Variants in KDM2A observed in about 807,000 individuals in gnomAD.
KDM2A encodes lysine demethylase 2A.
KDM2A carries 3 observed loss-of-function variants against 137.3 expected under a neutral mutation model. That is an observed-to-expected ratio of 0.02 (90% confidence interval 0.01 to 0.06). The LOEUF (loss-of-function observed/expected upper bound fraction) is 0.06. Among genes scored for constraint, KDM2A ranks in the 10% least tolerant of loss-of-function variants. The pLI is 1.00. For synonymous variants in KDM2A, 512 were observed against 541.5 expected (o/e 0.95, Z 0.76); for missense variants, 738 against 1,510.6 (o/e 0.49, Z 8.48).
chr11:67,125,175 T>A (rs1219505903), intron 2 of KDM2A, among the ~76,000 whole-genome samples: 2 of 143,460 alleles, frequency 1.4e-5, no homozygotes, highest in Non-Finnish European at 3.1e-5. Context: ...GGGAACTTTC[T>A]TTTTTTTTTT....
At chr11:67,137,528 T>C (rs993228154) in intron 2 of KDM2A, among the ~76,000 whole-genome samples, 5 of 152,170 alleles carry the variant, frequency 3.3e-5, no homozygotes, top group African/African-American at 7.2e-5. Flanking sequence ...CATGGGACTT[T>C]TCATTGAATG....
chr11:67,222,163 T>G (rs1398344375), intron 10 of KDM2A, among the ~76,000 whole-genome samples: 1 of 111,918 alleles, frequency 8.9e-6, no homozygotes, highest in Non-Finnish European at 1.8e-5. Context: ...GGAGGGAAGG[T>G]CAGCAGATAA....
chr11:67,206,848 T>C (rs986247411), intron 5 of KDM2A, among the ~76,000 whole-genome samples: 4 of 152,248 alleles, frequency 2.6e-5, no homozygotes, highest in African/African-American at 9.6e-5. Context: ...GTAGTTGTTA[T>C]AGTTAACAAG....
chr11:67,120,913 CTTT>C (rs879917346), intron 1 of KDM2A, among the ~76,000 whole-genome samples: 1 of 146,440 alleles, frequency 6.8e-6, no homozygotes, highest in Non-Finnish European at 1.5e-5. Context: ...AAGTCCTGGG[CTTT>C]TTTTTTTTCT....
chr11:67,133,300 C>G (rs1263881491), intron 2 of KDM2A, among the ~76,000 whole-genome samples: 2 of 151,890 alleles, frequency 1.3e-5, no homozygotes, highest in African/African-American at 4.8e-5. Context: ...TGGTGTTTTA[C>G]CATGTTGGTC....
rs768543569 is a variant in KDM2A at position 67,182,379 on chromosome 11, AAAAG to A, written c.307+492_307+495del. Among the ~76,000 whole-genome samples the A allele has an allele frequency of 9.2e-5, 14 of 152,284 alleles. No individual in the cohort carries two copies. The East Asian group carries it at 1.9e-3, about 21-fold the overall frequency. On this transcript the variant is annotated intron_variant, in intron 5 of 20. Transcript: ENST00000529006. ...ATTTTATTATATTCAAAATTTGGGA[AAAAG>A]AAAGCAAATTAATCTAATTAAAGAA...
At chr11:67,133,802 A>G (rs1169647609) in intron 2 of KDM2A, among the ~76,000 whole-genome samples, 2 of 151,716 alleles carry the variant, frequency 1.3e-5, no homozygotes, top group Non-Finnish European at 2.9e-5. Context: ...CCCAGGTTCA[A>G]GCGATTCTCC....
intron 12 of KDM2A, among the ~76,000 whole-genome samples, chr11:67,241,500 C>A (rs962587871): frequency 6.6e-6 from 1 of 151,966 alleles, no homozygotes; most frequent in African/African-American, 2.4e-5. Context: ...AATGAAAATA[C>A]ATAAAAGTCC....
At chr11:67,183,427 T>C (rs563056188) in intron 5 of KDM2A, among the ~76,000 whole-genome samples, 1 of 152,338 alleles carries the variant, frequency 6.6e-6, no homozygotes, top group South Asian at 2.1e-4. Flanking sequence ...GTTAAAAATA[T>C]AGACTCTCAG....
chr11:67,242,139 G>A (rs927399831), intron 12 of KDM2A, among the ~76,000 whole-genome samples: 1 of 152,144 alleles, frequency 6.6e-6, no homozygotes, highest in African/African-American at 2.4e-5. Flanking sequence ...ATTCACTTAA[G>A]TGGCATTTTC....
At chr11:67,147,285 G>A (rs1856274626) in intron 2 of KDM2A, among the ~76,000 whole-genome samples, 1 of 152,088 alleles carries the variant, frequency 6.6e-6, no homozygotes, top group African/African-American at 2.4e-5. Context: ...GCTCAAGCCT[G>A]TAATCCCAGC....
At position 67,235,069 on chromosome 11, in the gene KDM2A, C is replaced by T. The variant is rs1423625611; in HGVS notation, c.1479+3109C>T. On this transcript the variant is annotated intron_variant, in intron 12 of 20. Transcript: ENST00000529006. ...CTGAGGCAGGAGAATGGCGTGAACC[C>T]GGGAGGCGGAGCTTGCAGTGAGCCC... 3.4e-5 allele frequency among the ~76,000 whole-genome samples: 5 copies of T among 145,522 alleles called. No homozygotes were observed. In the East Asian group the frequency reaches 6.3e-4, roughly 18 times the overall value.
chr11:67,158,148 G>A (rs907288776), intron 2 of KDM2A, among the ~76,000 whole-genome samples: 1 of 151,666 alleles, frequency 6.6e-6, no homozygotes, highest in Non-Finnish European at 1.5e-5. Flanking sequence ...TCTTTTTGCT[G>A]TCTGTAGTTT....
chr11:67,181,465 G>A, intron 4 of KDM2A, 67 bp downstream of exon 4: 1 of 1,024,392 alleles, frequency 9.8e-7, no homozygotes. Context: ...GCAATAAACA[G>A]TGGTGGTATT....
At chr11:67,234,482 T>G (rs1858809424) in intron 12 of KDM2A, among the ~76,000 whole-genome samples, 1 of 152,246 alleles carries the variant, frequency 6.6e-6, no homozygotes, top group Non-Finnish European at 1.5e-5. Context: ...AGTGCTGTGA[T>G]AAAAGGGCTT....
chr11:67,238,761 A>T (rs1486110234), intron 12 of KDM2A, among the ~76,000 whole-genome samples: 2 of 152,264 alleles, frequency 1.3e-5, no homozygotes, highest in African/African-American at 4.8e-5. Context: ...TCTGCAAAAA[A>T]GGCAAGTTAT....
intron 9 of KDM2A, among the ~76,000 whole-genome samples, chr11:67,218,539 AT>A (rs112406399): frequency 8.2e-4 from 120 of 147,138 alleles, no homozygotes; most frequent in African/African-American, 1.6e-3. Context: ...ACATTATGAG[AT>A]TTTTTTTTTT....
intron 5 of KDM2A, among the ~76,000 whole-genome samples, chr11:67,185,876 G>A (rs1335689114): frequency 6.6e-6 from 1 of 151,630 alleles, no homozygotes; most frequent in Non-Finnish European, 1.5e-5. Context: ...CCAGATGCTG[G>A]CGCCTTGATT....
In KDM2A at chr11:67,124,533, G is replaced by A. The variant is rs564691106; in HGVS notation, c.42+3175G>A. ...TTCGCTATATTGGCAGGCTGGTGTC[G>A]AACTCCTGACCTCAGATGATCACCC... On this transcript the variant is annotated intron_variant, in intron 2 of 20. Transcript: ENST00000529006. 8.7e-5 allele frequency among the ~76,000 whole-genome samples: 13 copies of A among 149,576 alleles called. No individual in the cohort carries two copies. In the East Asian group the frequency reaches 2.4e-3, roughly 27 times the overall value.
Sources: allele counts gnomAD v4.1 joint callset (sites outside exome capture counted in the v4.1 genomes callset), GRCh38; gene constraint gnomAD v4.1.1; transcripts MANE v1.5; gene names NCBI Gene and HGNC (gene_info 2026-07-23, HGNC 2026-07-21).